Variants in RIN3 observed in about 807,000 individuals in gnomAD.
RIN3 encodes Ras and Rab interactor 3, also known as RAB5 interacting protein 3.
Under a neutral mutation model 76.3 loss-of-function variants are expected in RIN3, and 54 were observed. That is an observed-to-expected ratio of 0.71 (90% CI 0.57 to 0.89). The LOEUF (loss-of-function observed/expected upper bound fraction) is 0.89, where lower values mean the gene tolerates loss of function less well. RIN3 is among the 40% of genes least tolerant of loss of function. The probability of loss-of-function intolerance (pLI) is 0.00; values close to 1 mark genes in which losing one functional copy is unlikely to be tolerated. For missense variants in RIN3, 1,256 were observed against 1,322.1 expected (o/e 0.95, Z 0.78); for synonymous variants, 576 against 564.0 (o/e 1.02, Z -0.30).
intron 1 of RIN3, among the ~76,000 whole-genome samples, chr14:92,529,254 T>TC (rs1472858752): frequency 6.9e-6 from 1 of 143,886 alleles, no homozygotes; most frequent in East Asian, 2.0e-4. Flanking sequence ...TTTTTTTTTC[T>TC]TTTTTTTTTT....
In RIN3 at chr14:92,548,593, G is replaced by C. The variant is rs551533509; in HGVS notation, c.45-7158G>C. Reference sequence around the variant, plus strand: ...TCCCATGCCTCTCCCCGAGCTCCTGGTAGTGGCTGTCTACCTCTGGCACTC... The same window carrying C: ...TCCCATGCCTCTCCCCGAGCTCCTGCTAGTGGCTGTCTACCTCTGGCACTC... On this transcript the variant is annotated intron_variant, in intron 1 of 9. Coordinates refer to ENST00000216487, the MANE Select transcript of RIN3 (RefSeq NM_024832.5). 2.0e-5 allele frequency among the ~76,000 whole-genome samples: 3 copies of C among 152,140 alleles called. No homozygotes were observed. The South Asian group carries it at 6.2e-4, about 32-fold the overall frequency.
At chr14:92,687,805 G>A in intron 9 of RIN3, 121 bp from the exon 10 acceptor site, 1 of 870,086 alleles carries the variant, frequency 1.1e-6, no homozygotes, top group Admixed American at 3.5e-5. Context: ...CGCAGGTGCC[G>A]GACTCGCAGA....
chr14:92,632,913 C>G (rs1300456509), intron 4 of RIN3, among the ~76,000 whole-genome samples: 2 of 152,202 alleles, frequency 1.3e-5, no homozygotes, highest in Admixed American at 1.3e-4. Context: ...GCTTGGAAAG[C>G]CTTGAACGCC....
intron 3 of RIN3, among the ~76,000 whole-genome samples, chr14:92,585,365 A>T (rs894751201): frequency 1.3e-5 from 2 of 151,960 alleles, no homozygotes; most frequent in African/African-American, 4.8e-5. Flanking sequence ...TGACGCTGAC[A>T]CCCGTGCACA....
chr14:92,688,258 T>TC lies in RIN3; in HGVS notation c.*9dup, dbSNP rs1174091861. On this transcript the variant is annotated 3_prime_UTR_variant, in exon 10 of 10. Coordinates refer to ENST00000216487, the MANE Select transcript of RIN3 (RefSeq NM_024832.5). ...GGGAGCCCAACTTCCTGTGAGGCCC[T>TC]CCCGGGGCGCCTCCCCTCACCCCCA... is the stretch of plus-strand genomic sequence containing the variant. The TC allele has an allele frequency of 7.0e-6, 11 of 1,564,880 alleles. No homozygotes were observed. The highest frequency in any genetic ancestry group is 9.5e-6 in the Non-Finnish European group (11 of 1,157,750).
Position 92,651,882 on chromosome 14 carries a change from G to GCCCCCCCCCCCCCCCCCCC in RIN3, c.835_836insCCCCCCCCCCCCCCCCCCC (p.Arg279ProfsTer151). On this transcript the variant is annotated frameshift_variant, in exon 6 of 10. Transcript: ENST00000216487. LOFTEE classifies it high-confidence loss of function. ...TCACCCACCTCCAGGTGGGCCCCAC[G>GCCCCCCCCCCCCCCCCCCC]CCGCCCACCACCCCCTCCCCCAGTG... is the stretch of plus-strand genomic sequence containing the variant. The GCCCCCCCCCCCCCCCCCCC allele has an allele frequency of 6.4e-7, 1 of 1,554,478 alleles. No homozygotes were observed. Among genetic ancestry groups the GCCCCCCCCCCCCCCCCCCC allele is most frequent in the South Asian group, 1.1e-5 (1 of 88,398 alleles).
chr14:92,536,947 G>T (rs925635632), intron 1 of RIN3, among the ~76,000 whole-genome samples: 5 of 151,782 alleles, frequency 3.3e-5, no homozygotes, highest in African/African-American at 1.2e-4. Flanking sequence ...CACAGTAAAT[G>T]GTAAACTCTG....
chr14:92,637,937 T>G (rs1009914914), intron 4 of RIN3, among the ~76,000 whole-genome samples: 1 of 152,214 alleles, frequency 6.6e-6, no homozygotes, highest in African/African-American at 2.4e-5. Context: ...TGAGCCTCTG[T>G]GTCCTCTGTA....
intron 3 of RIN3, among the ~76,000 whole-genome samples, chr14:92,591,079 G>A (rs1394207715): frequency 1.3e-5 from 2 of 152,180 alleles, no homozygotes; most frequent in African/African-American, 4.8e-5. Flanking sequence ...GGACTCTAAT[G>A]GCTAAAGTAG....
chr14:92,527,161 C>T (rs1205028629), intron 1 of RIN3, among the ~76,000 whole-genome samples: 3 of 151,710 alleles, frequency 2.0e-5, no homozygotes, highest in South Asian at 4.2e-4. Context: ...CGCCATTCTC[C>T]TGCCTTAGCC....
intron 5 of RIN3, among the ~76,000 whole-genome samples, chr14:92,646,863 G>C (rs931466908): frequency 6.6e-6 from 1 of 152,180 alleles, no homozygotes; most frequent in Non-Finnish European, 1.5e-5. Flanking sequence ...AATACACCTA[G>C]ACGCAACTGA....
chr14:92,551,467 G>C (rs2140030163), intron 1 of RIN3, among the ~76,000 whole-genome samples: 1 of 152,248 alleles, frequency 6.6e-6, no homozygotes, highest in South Asian at 2.1e-4. Context: ...TGTATACCTA[G>C]GAGTGGAATC....
At chr14:92,626,899 C>T (rs558668989) in intron 4 of RIN3, among the ~76,000 whole-genome samples, 5 of 152,180 alleles carry the variant, frequency 3.3e-5, no homozygotes, top group African/African-American at 7.2e-5. Context: ...AGTCTCTTCC[C>T]GCAAGACCAG....
At position 92,664,371 on chromosome 14, in the gene RIN3, T is replaced by C. The variant is rs891009624; in HGVS notation, c.2335+4902T>C. 5.2e-3 allele frequency among the ~76,000 whole-genome samples: 707 copies of C among 136,894 alleles called. 8 individuals carry two copies. Among genetic ancestry groups the C allele is most frequent in the African/African-American group, 0.018 (675 of 37,152 alleles). The allele number at this position is 136,894 out of a possible 152,430, so 89.8% of individuals were successfully genotyped here. ...CATTTTCTTTCTTTCTTTCTTTTTT[T>C]TTTTTTTTTTTTTTGAGATGGAGTC... On this transcript the variant is annotated intron_variant, in intron 7 of 9. Transcript: ENST00000216487.
chr14:92,529,254 T>C (rs60064273), intron 1 of RIN3, among the ~76,000 whole-genome samples: 10,098 of 143,846 alleles, frequency 0.07, 1,047 homozygotes, highest in African/African-American at 0.24. Context: ...TTTTTTTTTC[T>C]TTTTTTTTTT....
chr14:92,622,011 C>T lies in RIN3; in HGVS notation c.440+6532C>T, dbSNP rs143356587. 3.5e-3 allele frequency among the ~76,000 whole-genome samples: 531 copies of T among 152,328 alleles called. 3 individuals are homozygous for T. Among genetic ancestry groups the T allele is most frequent in the Middle Eastern group, 0.02 (6 of 294 alleles). ...GACTCCAAAGAGTGCTGGAGCCAAACAGTACCAAAGGAGGGCATCACACAT... is the reference window on the plus strand; with the variant it reads ...GACTCCAAAGAGTGCTGGAGCCAAATAGTACCAAAGGAGGGCATCACACAT... On this transcript the variant is annotated intron_variant, in intron 4 of 9. Transcript: ENST00000216487.
At chr14:92,516,007 G>A (rs1490714333) in intron 1 of RIN3, among the ~76,000 whole-genome samples, 1 of 152,168 alleles carries the variant, frequency 6.6e-6, no homozygotes, top group East Asian at 1.9e-4. Flanking sequence ...ACTGTGCGGA[G>A]TCTGCTGAGA....
chr14:92,549,843 C>T lies in RIN3; in HGVS notation c.45-5908C>T, dbSNP rs149539877. 2.8e-3 allele frequency among the ~76,000 whole-genome samples: 421 copies of T among 152,360 alleles called. 3 individuals carry two copies. The highest frequency in any genetic ancestry group is 9.7e-3 in the African/African-American group (403 of 41,590). On this transcript the variant is annotated intron_variant, in intron 1 of 9. Transcript: ENST00000216487. ...CTATTCCCCATGAGTGGGAGAACAACCCGTTGTGGAGCAATTTCTCTTTCT... is the reference window on the plus strand; with the variant it reads ...CTATTCCCCATGAGTGGGAGAACAATCCGTTGTGGAGCAATTTCTCTTTCT...
At chr14:92,578,505 G>A (rs1247446683) in intron 3 of RIN3, among the ~76,000 whole-genome samples, 4 of 152,142 alleles carry the variant, frequency 2.6e-5, no homozygotes, top group Non-Finnish European at 4.4e-5. Context: ...TTATCAAGAC[G>A]GGAATTGCAA....
Sources: gnomAD v4.1 joint callset for allele counts (sites outside exome capture counted in the v4.1 genomes callset) on GRCh38, gnomAD v4.1.1 for gene constraint, MANE v1.5 for transcripts, NCBI Gene and HGNC (gene_info 2026-07-23, HGNC 2026-07-21) for gene names.